The following CD244 variants were observed in gnomAD, a reference collection of about 807,000 sequenced individuals.
CD244 encodes CD244 molecule, also known as natural killer cell receptor 2B4.
A neutral mutation model predicts 45.5 loss-of-function variants in CD244; 20 were observed. The ratio of observed to expected loss-of-function variants is 0.44; its 90% CI spans 0.31 to 0.64. CD244 has a LOEUF of 0.64. Among genes scored for constraint, CD244 ranks in the 30% least tolerant of loss-of-function variants. The probability of loss-of-function intolerance (pLI) is 0.08; values close to 1 mark genes in which losing one functional copy is unlikely to be tolerated. For missense variants in CD244, 407 were observed against 426.9 expected (o/e 0.95, Z 0.41); for synonymous variants, 185 against 160.5 (o/e 1.15, Z -1.15).
chr1:160,859,960 CT>C (rs1670238408), intron 1 of CD244, among the ~76,000 whole-genome samples: 1 of 152,004 alleles, frequency 6.6e-6, no homozygotes, highest in South Asian at 2.1e-4. Context: ...TATCCCAGCA[CT>C]TTTGAGAGGC....
chr1:160,858,114 T>C (rs1404675607), intron 1 of CD244, among the ~76,000 whole-genome samples: 2 of 151,788 alleles, frequency 1.3e-5, no homozygotes, highest in Non-Finnish European at 2.9e-5. Context: ...GCCCTGTCTC[T>C]CCTTGAAGTG....
intron 1 of CD244, among the ~76,000 whole-genome samples, chr1:160,859,021 A>T (rs1670202353): frequency 6.6e-6 from 1 of 152,202 alleles, no homozygotes; most frequent in Non-Finnish European, 1.5e-5. Flanking sequence ...AAACATAAGT[A>T]AACAGGATGG....
chr1:160,841,540 T>C (rs1461235960), intron 2 of CD244, 44 bp downstream of exon 2: 3 of 1,611,864 alleles, frequency 1.9e-6, no homozygotes, highest in Non-Finnish European at 2.5e-6. Context: ...CTTAGAGGCC[T>C]ATAGGAATCA....
chr1:160,838,374 T>G, intron 5 of CD244, 77 bp downstream of exon 5: 1 of 1,058,454 alleles, frequency 9.4e-7, no homozygotes, highest in Non-Finnish European at 1.5e-6. Flanking sequence ...TTTTTGTCCC[T>G]CTGCTCTGAA....
At chr1:160,843,861 A>C (rs1434243705) in intron 1 of CD244, among the ~76,000 whole-genome samples, 1 of 152,250 alleles carries the variant, frequency 6.6e-6, no homozygotes, top group Non-Finnish European at 1.5e-5. Context: ...ATGGCAGCTA[A>C]AAGGCTGAGA....
chr1:160,858,752 G>C (rs1282265500), intron 1 of CD244, among the ~76,000 whole-genome samples: 1 of 152,238 alleles, frequency 6.6e-6, no homozygotes, highest in African/African-American at 2.4e-5. Flanking sequence ...CAAGCTCTCT[G>C]AACAAACGGG....
intron 8 of CD244, among the ~76,000 whole-genome samples, chr1:160,831,642 T>C (rs1018660648): frequency 2.0e-5 from 3 of 152,222 alleles, no homozygotes; most frequent in East Asian, 1.9e-4. Context: ...TAACCACATA[T>C]GCTTTTTCAT....
chr1:160,860,691 G>A (rs1239350107), intron 1 of CD244, among the ~76,000 whole-genome samples: 1 of 152,216 alleles, frequency 6.6e-6, no homozygotes, highest in Non-Finnish European at 1.5e-5. Flanking sequence ...CATACAGCTA[G>A]AGAAAGAGAA....
Position 160,832,856 on chromosome 1 carries a change from ATG to A in CD244, c.961-283_961-282del, listed in dbSNP as rs1553194331. 271 of 312,820 alleles carry A rather than the reference ATG, an allele frequency of 8.7e-4. 3 individuals carry two copies. The highest frequency in any genetic ancestry group is 3.2e-3 in the South Asian group (118 of 37,342). 19.4% of individuals were successfully genotyped at this position (312,820 alleles called of 1,614,324 possible). On this transcript the variant is annotated intron_variant, in intron 7 of 8. Transcript: ENST00000368034. The stretch of plus-strand genomic sequence containing the variant: ...ACATACACCTAAAACCCATACACAT[ATG>A]TGTGTGTGTGTGTATATATATATAT...
intron 1 of CD244, among the ~76,000 whole-genome samples, chr1:160,860,969 G>A (rs2101899201): frequency 6.6e-6 from 1 of 152,330 alleles, no homozygotes; most frequent in South Asian, 2.1e-4. Context: ...GCAAGGGCCG[G>A]CATAGCCAAG....
At chr1:160,846,862 G>C (rs1337661601) in intron 1 of CD244, among the ~76,000 whole-genome samples, 2 of 152,126 alleles carry the variant, frequency 1.3e-5, no homozygotes, top group East Asian at 3.8e-4. Context: ...CAATAAAAGT[G>C]GGGGGATAGA....
chr1:160,837,630 C>T (rs1192574017), intron 5 of CD244, among the ~76,000 whole-genome samples: 2 of 152,184 alleles, frequency 1.3e-5, no homozygotes, highest in African/African-American at 4.8e-5. Flanking sequence ...CGGAAGAGCC[C>T]CACCACATGT....
chr1:160,854,768 G>A (rs755277307), intron 1 of CD244, among the ~76,000 whole-genome samples: 18 of 152,018 alleles, frequency 1.2e-4, no homozygotes, highest in Admixed American at 2.6e-4. Context: ...TTAAAAATTA[G>A]GCCGTTATAT....
chr1:160,862,662 C>T lies in CD244; in HGVS notation c.16G>A (p.Val6Ile), dbSNP rs769228484. The T allele has an allele frequency of 6.2e-7, 1 of 1,614,002 alleles. No homozygotes were observed. The highest frequency in any genetic ancestry group is 8.5e-7 in the Non-Finnish European group (1 of 1,179,918). MLGQV[V>I]TLILLLLLKV... ...AGGAGCAGGAGGAGTATGAGGGTGA[C>T]CACTTGCCCCAGCATTTCCACAGGA... The change falls in exon 1 of 9, where the codon GTC (valine) becomes ATC (isoleucine). Residue 6 changes from valine (V) to isoleucine (I), a missense_variant. Physicochemically the swap from Val to Ile is conservative, Grantham distance 29. Transcript: ENST00000368034.
chr1:160,850,010 C>T (rs1669867322), intron 1 of CD244, among the ~76,000 whole-genome samples: 3 of 150,982 alleles, frequency 2.0e-5, no homozygotes, highest in Non-Finnish European at 4.4e-5. Flanking sequence ...AAAACTCCAT[C>T]TCAAAAAAAA....
At chr1:160,842,423 G>A (rs956252037) in intron 1 of CD244, among the ~76,000 whole-genome samples, 1 of 151,962 alleles carries the variant, frequency 6.6e-6, no homozygotes, top group African/African-American at 2.4e-5. Flanking sequence ...TTTACTCTTT[G>A]TAAAGACAGC....
Position 160,841,247 on chromosome 1 carries a change from G to C in CD244, c.618C>G (p.Thr206=). 1 of 1,614,190 alleles carries C rather than the reference G, an allele frequency of 6.2e-7. No homozygotes were observed. The highest frequency in any genetic ancestry group is 2.2e-5 in the East Asian group (1 of 44,890). ...VSNPVSWESH[T]LNLTQDCQNA... ...TCTGACAGTCCTGAGTGAGATTCAG[G>C]GTGTGGCTTTCCCAGCTAACAGGAT... The change falls in exon 3 of 9, where the codon ACC becomes ACG. Residue 206 remains threonine (T), a synonymous_variant. Coordinates refer to ENST00000368034, the MANE Select transcript of CD244 (RefSeq NM_016382.4).
At chr1:160,839,169 C>T (rs529624154) in intron 3 of CD244, 120 bp from the exon 4 acceptor site, 39 of 663,518 alleles carry the variant, frequency 5.9e-5, no homozygotes, top group Non-Finnish European at 8.6e-5. Flanking sequence ...CTGATTGCCT[C>T]GTGCTCTGAG....
At chr1:160,842,225 C>G (rs2101874186) in intron 1 of CD244, among the ~76,000 whole-genome samples, 1 of 152,100 alleles carries the variant, frequency 6.6e-6, no homozygotes, top group East Asian at 1.9e-4. Context: ...GAAACCTAGT[C>G]AGTTTGGTGT....
Sources: allele counts gnomAD v4.1 joint callset (sites outside exome capture counted in the v4.1 genomes callset), GRCh38; gene constraint gnomAD v4.1.1; transcripts MANE v1.5; gene names NCBI Gene and HGNC (gene_info 2026-07-23, HGNC 2026-07-21).